Variants in BIRC3 observed in about 807,000 individuals in gnomAD.
BIRC3 encodes the protein baculoviral IAP repeat containing 3, also known as baculoviral IAP repeat-containing protein 3.
Under a neutral mutation model 59.0 loss-of-function variants are expected in BIRC3, and 26 were observed. That is an observed-to-expected ratio of 0.44 (90% CI 0.32 to 0.61). BIRC3 has a LOEUF of 0.61. BIRC3 is among the 20% of genes least tolerant of loss of function. The pLI is 0.04. For synonymous variants in BIRC3, 243 were observed against 249.2 expected (o/e 0.98, Z 0.24); for missense variants, 641 against 711.5 (o/e 0.90, Z 1.13).
intron 6 of BIRC3, 60 bp downstream of exon 6, chr11:102,331,301 A>G: frequency 2.1e-6 from 3 of 1,447,842 alleles, no homozygotes; most frequent in Non-Finnish European, 2.7e-6. Context: ...TCTATATGTT[A>G]TGAAAAATAT....
At position 102,322,680 on chromosome 11, in the gene BIRC3, G is replaced by A. The variant is rs191250382; in HGVS notation, c.-1830G>A. On this transcript the variant is annotated 5_prime_UTR_variant, in exon 2 of 9. An upstream open reading frame in the 5' UTR loses its in-frame stop. Transcript: ENST00000263464. ...GAAATAATTGTTGGTAATGAGATGT[G>A]ATGTTTCTCCTGCCACCTGGAAACA... 1 of 190,880 alleles carries A rather than the reference G, an allele frequency of 5.2e-6. No homozygotes were observed. Among genetic ancestry groups the A allele is most frequent in the Admixed American group, 6.3e-5 (1 of 15,924 alleles). The allele number at this position is 190,880 out of a possible 1,614,324, so 11.8% of individuals were successfully genotyped here. A position where few individuals can be genotyped will look rare whatever the true frequency, so the allele number is the denominator to read the frequency against.
In BIRC3 at chr11:102,337,198, T is replaced by C. The variant is rs914922584; in HGVS notation, c.*96T>C. On this transcript the variant is annotated 3_prime_UTR_variant, in exon 9 of 9. Coordinates refer to ENST00000263464, the MANE Select transcript of BIRC3 (RefSeq NM_001165.5). The stretch of plus-strand genomic sequence containing the variant: ...TAATTTGGTTTCCTTAAAATTTTTA[T>C]TTATTTACAACTCAAAAAACATTGT... 21 of 923,646 alleles carry C rather than the reference T, an allele frequency of 2.3e-5. No individual in the cohort carries two copies. The African/African-American group carries it at 3.5e-4, about 15-fold the overall frequency. The allele number at this position is 923,646 out of a possible 1,614,324, so 57.2% of individuals were successfully genotyped here.
At position 102,332,707 on chromosome 11, in the gene BIRC3, C is replaced by T. The variant is rs17879445; in HGVS notation, c.1324+1466C>T. Among the ~76,000 whole-genome samples, 679 of 152,250 alleles carry T rather than the reference C, an allele frequency of 4.5e-3. 3 individuals are homozygous for T. The highest frequency in any genetic ancestry group is 7.3e-3 in the Non-Finnish European group (497 of 68,028). ...CATGAAGATGGATTTGTTCTCTGAC[C>T]CAACCCAGACAAACCTATCAGACCA... On this transcript the variant is annotated intron_variant, in intron 6 of 8. Coordinates refer to ENST00000263464, the MANE Select transcript of BIRC3 (RefSeq NM_001165.5).
intron 1 of BIRC3, among the ~76,000 whole-genome samples, chr11:102,319,579 C>T (rs1240299173): frequency 6.6e-6 from 1 of 152,110 alleles, no homozygotes; most frequent in African/African-American, 2.4e-5. Flanking sequence ...GATATGAGAA[C>T]GTGAGAAGGT....
chr11:102,333,258 T>C (rs1203301189), intron 6 of BIRC3, among the ~76,000 whole-genome samples: 1 of 152,118 alleles, frequency 6.6e-6, no homozygotes, highest in African/African-American at 2.4e-5. Context: ...GATTTTTTTT[T>C]TCCCAGAATA....
In BIRC3 at chr11:102,338,708, T is replaced by A. The variant is rs1951224975; in HGVS notation, c.*1606T>A. On this transcript the variant is annotated 3_prime_UTR_variant, in exon 9 of 9. Coordinates refer to ENST00000263464, the MANE Select transcript of BIRC3 (RefSeq NM_001165.5). ...ATAACCTGCTATCAAGCAAGGTAGG[T>A]CAGAGAATTTATTTATGGCCAGCTC... 4.4e-6 allele frequency: 1 copy of A among 228,522 alleles called. No individual in the cohort carries two copies. The highest frequency in any genetic ancestry group is 2.2e-5 in the African/African-American group (1 of 45,064). 14.2% of individuals were successfully genotyped at this position (228,522 alleles called of 1,614,324 possible).
intron 7 of BIRC3, chr11:102,336,475 T>C (rs1951197905): frequency 1.8e-6 from 1 of 556,494 alleles, no homozygotes; most frequent in East Asian, 3.1e-5. Context: ...TGCCTGGTAA[T>C]CCCAGCTACT....
intron 4 of BIRC3, 35 bp downstream of exon 4, chr11:102,328,165 A>G (rs1466265743): frequency 1.3e-6 from 2 of 1,537,510 alleles, no homozygotes; most frequent in Non-Finnish European, 1.8e-6. Context: ...ATTGGTTGCC[A>G]TCAGAGAAAT....
intron 6 of BIRC3, among the ~76,000 whole-genome samples, chr11:102,335,255 TA>T: frequency 6.6e-6 from 1 of 152,262 alleles, no homozygotes; most frequent in Non-Finnish European, 1.5e-5. Context: ...AATGAATAAA[TA>T]AATAATAAAA....
At chr11:102,333,926 C>A (rs1411799803) in intron 6 of BIRC3, among the ~76,000 whole-genome samples, 3 of 152,102 alleles carry the variant, frequency 2.0e-5, no homozygotes, top group Non-Finnish European at 2.9e-5. Context: ...CGTGGCGAGA[C>A]CCCATCACTA....
In BIRC3 at chr11:102,323,708, T is replaced by G. The variant is rs1222563855; in HGVS notation, c.-802T>G. On this transcript the variant is annotated 5_prime_UTR_variant, in exon 2 of 9. Transcript: ENST00000263464. ...TTTGGAGAGAAATTTTAGATTGTTTTGTTCTCCTTATTAGAAGGATTGTAG... is the reference window on the plus strand; with the variant it reads ...TTTGGAGAGAAATTTTAGATTGTTTGGTTCTCCTTATTAGAAGGATTGTAG... 5.0e-6 allele frequency: 1 copy of G among 199,470 alleles called. No individual in the cohort carries two copies. The highest frequency in any genetic ancestry group is 1.0e-5 in the Non-Finnish European group (1 of 96,856). The allele number at this position is 199,470 out of a possible 1,614,324, so 12.4% of individuals were successfully genotyped here.
chr11:102,330,518 G>A (rs1235943264), intron 5 of BIRC3, among the ~76,000 whole-genome samples: 1 of 152,186 alleles, frequency 6.6e-6, no homozygotes, highest in African/African-American at 2.4e-5. Flanking sequence ...TGGAATTGTT[G>A]ATGGAATTTA....
chr11:102,331,349 C>A, intron 6 of BIRC3, 108 bp downstream of exon 6: 1 of 1,192,400 alleles, frequency 8.4e-7, no homozygotes, highest in Non-Finnish European at 1.1e-6. Context: ...TCAATCCAGT[C>A]AGGTTTTTTT....
Position 102,330,909 on chromosome 11 carries a change from A to G in BIRC3, c.1082-90A>G, listed in dbSNP as rs1951131138. 10 of 1,330,962 alleles carry G rather than the reference A, an allele frequency of 7.5e-6. No individual in the cohort carries two copies. The South Asian group carries it at 1.6e-4, about 22-fold the overall frequency. The allele number at this position is 1,330,962 out of a possible 1,614,324, so 82.4% of individuals were successfully genotyped here. ...TGGTTTTACATTTTTAATATTATAA[A>G]ACCTTTCAATTTTTGATTTCATTTC... is the stretch of plus-strand genomic sequence containing the variant. On this transcript the variant is annotated intron_variant, in intron 5 of 8. Coordinates refer to ENST00000263464, the MANE Select transcript of BIRC3 (RefSeq NM_001165.5).
At chr11:102,320,695 C>G (rs1951022685) in intron 1 of BIRC3, among the ~76,000 whole-genome samples, 1 of 152,192 alleles carries the variant, frequency 6.6e-6, no homozygotes. Context: ...CTCTACTTTT[C>G]ATTTTTGTTA....
At position 102,324,376 on chromosome 11, in the gene BIRC3, A is replaced by G. The variant is rs1300761551; in HGVS notation, c.-134A>G. On this transcript the variant is annotated 5_prime_UTR_variant, in exon 2 of 9. Transcript: ENST00000263464. Reference sequence around the variant, plus strand: ...ATCTCCATGTTGAAACTCTAAATGCATAGAAATAAAAATAATAAAAAATTT... The same window carrying G: ...ATCTCCATGTTGAAACTCTAAATGCGTAGAAATAAAAATAATAAAAAATTT... 10 of 1,000,524 alleles carry G rather than the reference A, an allele frequency of 1.0e-5. No individual in the cohort carries two copies. The highest frequency in any genetic ancestry group is 1.9e-5 in the South Asian group (1 of 51,398). 62.0% of individuals were successfully genotyped at this position (1,000,524 alleles called of 1,614,324 possible).
Position 102,323,496 on chromosome 11 carries a change from T to A in BIRC3, c.-1014T>A, listed in dbSNP as rs1180472454. ...ATGAAACTGAGTCCAAAAGACCAAA[T>A]GAACAAACACATTAATCTCTGATTA... On this transcript the variant is annotated 5_prime_UTR_variant, in exon 2 of 9. The change abolishes an upstream ATG in the 5' untranslated region. Coordinates refer to ENST00000263464, the MANE Select transcript of BIRC3 (RefSeq NM_001165.5). 5.3e-6 allele frequency: 1 copy of A among 187,720 alleles called. No homozygotes were observed. Among genetic ancestry groups the A allele is most frequent in the Non-Finnish European group, 1.1e-5 (1 of 89,080 alleles). The allele number at this position is 187,720 out of a possible 1,614,324, so 11.6% of individuals were successfully genotyped here. A position where few individuals can be genotyped will look rare whatever the true frequency, so the allele number is the denominator to read the frequency against.
chr11:102,324,041 T>C lies in BIRC3; in HGVS notation c.-469T>C, dbSNP rs1951057706. 9.5e-6 allele frequency: 2 copies of C among 209,914 alleles called. No homozygotes were observed. The highest frequency in any genetic ancestry group is 1.9e-5 in the Non-Finnish European group (2 of 103,252). The allele number at this position is 209,914 out of a possible 1,614,324, so 13.0% of individuals were successfully genotyped here. A position where few individuals can be genotyped will look rare whatever the true frequency, so the allele number is the denominator to read the frequency against. ...AAGCAAAATAAACATATTCTGAATATTTTTGCTGTGAAACACTTGACAGCA... is the reference window on the plus strand; with the variant it reads ...AAGCAAAATAAACATATTCTGAATACTTTTGCTGTGAAACACTTGACAGCA... On this transcript the variant is annotated 5_prime_UTR_variant, in exon 2 of 9. Coordinates refer to ENST00000263464, the MANE Select transcript of BIRC3 (RefSeq NM_001165.5).
Position 102,339,177 on chromosome 11 carries a change from A to G in BIRC3, c.*2075A>G, listed in dbSNP as rs1351358857. On this transcript the variant is annotated 3_prime_UTR_variant, in exon 9 of 9. Transcript: ENST00000263464. ...GTGATTTGTAACTCAGGTATAGGGTATTTAAATAGTAGGCACCCTTTTTGC... is the reference window on the plus strand; with the variant it reads ...GTGATTTGTAACTCAGGTATAGGGTGTTTAAATAGTAGGCACCCTTTTTGC... 1 of 198,654 alleles carries G rather than the reference A, an allele frequency of 5.0e-6. No homozygotes were observed. The highest frequency in any genetic ancestry group is 2.4e-5 in the African/African-American group (1 of 42,356). 12.3% of individuals were successfully genotyped at this position (198,654 alleles called of 1,614,324 possible). A position where few individuals can be genotyped will look rare whatever the true frequency, so the allele number is the denominator to read the frequency against.
Sources: allele counts gnomAD v4.1 joint callset (sites outside exome capture counted in the v4.1 genomes callset), GRCh38; gene constraint gnomAD v4.1.1; transcripts MANE v1.5; gene names NCBI Gene and HGNC (gene_info 2026-07-23, HGNC 2026-07-21).